Variants in PHACTR4 observed in about 807,000 individuals in gnomAD.
The protein encoded by PHACTR4 is phosphatase and actin regulator 4.
In PHACTR4, 51 loss-of-function variants were observed where a neutral mutation model predicts 72.7. That is an observed-to-expected ratio of 0.70 (90% confidence interval 0.56 to 0.89). The LOEUF is 0.89. PHACTR4 is among the 40% of genes least tolerant of loss of function. The pLI, the probability that PHACTR4 is intolerant of heterozygous loss-of-function variation, is 0.00. For missense variants in PHACTR4, 731 were observed against 861.8 expected (o/e 0.85, Z 1.90); for synonymous variants, 255 against 302.5 (o/e 0.84, Z 1.63).
chr1:28,389,393 GA>G (rs1004476486), intron 1 of PHACTR4, among the ~76,000 whole-genome samples: 91 of 147,674 alleles, frequency 6.2e-4, no homozygotes, highest in African/African-American at 1.6e-3. Flanking sequence ...AAAATTAAAA[GA>G]AAAAAAATAA....
At chr1:28,409,510 GAAA>G (rs1033254003) in intron 2 of PHACTR4, among the ~76,000 whole-genome samples, 7 of 151,642 alleles carry the variant, frequency 4.6e-5, no homozygotes, top group Non-Finnish European at 1.0e-4. Flanking sequence ...TAGCAAAAAA[GAAA>G]AAAAAGAAAT....
intron 2 of PHACTR4, among the ~76,000 whole-genome samples, chr1:28,418,398 C>G (rs1403844049): frequency 6.6e-6 from 1 of 150,448 alleles, no homozygotes; most frequent in African/African-American, 2.4e-5. Flanking sequence ...GGAGAAACAT[C>G]TAAACCTGGG....
At chr1:28,464,044 C>CTTTT (rs74771369) in intron 4 of PHACTR4, among the ~76,000 whole-genome samples, 2 of 131,360 alleles carry the variant, frequency 1.5e-5, no homozygotes, top group African/African-American at 5.9e-5. Flanking sequence ...ATAACCATTT[C>CTTTT]TTTTTTTTTT....
At chr1:28,378,964 T>C (rs184145945) in intron 1 of PHACTR4, among the ~76,000 whole-genome samples, 1 of 152,274 alleles carries the variant, frequency 6.6e-6, no homozygotes, top group East Asian at 1.9e-4. Flanking sequence ...TATGTATTTA[T>C]TTTTTTAAGA....
intron 1 of PHACTR4, among the ~76,000 whole-genome samples, chr1:28,401,149 G>T (rs1452268950): frequency 1.3e-5 from 2 of 152,126 alleles, no homozygotes; most frequent in South Asian, 4.1e-4. Flanking sequence ...TTAGATAAGT[G>T]AGCATTGTTC....
chr1:28,426,704 C>G (rs993728694), intron 2 of PHACTR4, among the ~76,000 whole-genome samples: 1 of 149,404 alleles, frequency 6.7e-6, no homozygotes, highest in South Asian at 2.1e-4. Flanking sequence ...TTGAGATACT[C>G]TGTTATTACT....
chr1:28,419,597 C>T (rs930429526), intron 2 of PHACTR4, among the ~76,000 whole-genome samples: 3 of 151,968 alleles, frequency 2.0e-5, no homozygotes, highest in Admixed American at 1.3e-4. Flanking sequence ...TGAGCAGCCA[C>T]CATGCCTGGC....
chr1:28,428,417 C>T (rs751749848), intron 2 of PHACTR4, among the ~76,000 whole-genome samples: 20 of 152,150 alleles, frequency 1.3e-4, no homozygotes, highest in African/African-American at 2.4e-5. Context: ...CTCCCTATCC[C>T]CTGGGATATC....
At position 28,492,995 on chromosome 1, in the gene PHACTR4, T is replaced by C; in HGVS notation, c.2017-20T>C. 6.3e-7 allele frequency: 1 copy of C among 1,592,730 alleles called. No homozygotes were observed. The highest frequency in any genetic ancestry group is 8.6e-7 in the Non-Finnish European group (1 of 1,161,208). ...AAAGCAGCCAGAAGAAGCTGAAACA[T>C]TTTTGTCTCTACTCCACAGGCTGCC... On this transcript the variant is annotated intron_variant, in intron 12 of 13. Transcript: ENST00000373839.
At chr1:28,409,612 T>G (rs1654619482) in intron 2 of PHACTR4, among the ~76,000 whole-genome samples, 1 of 152,160 alleles carries the variant, frequency 6.6e-6, no homozygotes, top group African/African-American at 2.4e-5. Flanking sequence ...CGGAAAGAAG[T>G]CTGAATCCCT....
intron 1 of PHACTR4, among the ~76,000 whole-genome samples, chr1:28,384,715 C>T (rs1469319152): frequency 1.1e-4 from 17 of 151,582 alleles, no homozygotes; most frequent in East Asian, 1.9e-4. Flanking sequence ...GCCAACATGG[C>T]AAAACCCCAT....
At chr1:28,485,657 T>C (rs1040027007) in intron 9 of PHACTR4, among the ~76,000 whole-genome samples, 2 of 149,626 alleles carry the variant, frequency 1.3e-5, no homozygotes, top group Admixed American at 6.7e-5. Context: ...TCCCAATACT[T>C]TGGGAGGCCG....
Position 28,466,732 on chromosome 1 carries a change from C to A in PHACTR4, c.787C>A (p.Pro263Thr), listed in dbSNP as rs369152598. 2.5e-5 allele frequency: 41 copies of A among 1,613,066 alleles called. No homozygotes were observed. Among genetic ancestry groups the A allele is most frequent in the Non-Finnish European group, 3.3e-5 (39 of 1,179,358 alleles). ...VPAKQPPIPPPKPAHRNSNPV... is the reference protein window; with the variant it reads ...VPAKQPPIPPTKPAHRNSNPV... ...TGCCAAGCAGCCCCCTATCCCTCCC[C>A]CTAAACCAGCTCACAGAAATAGCAA... Residue 263 changes from proline (P) to threonine (T), a missense_variant, in exon 6 of 14, where the codon CCT (proline) becomes ACT (threonine). Pro to Thr is a conservative substitution (Grantham distance 38). Around this residue, in one of 2 missense-constraint regions of PHACTR4, gnomAD observed 621 missense variants for 676.6 expected, o/e 0.92. Transcript: ENST00000373839.
intron 6 of PHACTR4, among the ~76,000 whole-genome samples, chr1:28,471,194 A>G (rs1659537332): frequency 1.3e-5 from 2 of 151,770 alleles, no homozygotes; most frequent in South Asian, 4.2e-4. Context: ...CTAAAAATAC[A>G]AAAAATTAGC....
Position 28,476,353 on chromosome 1 carries a change from C to G in PHACTR4, c.1606+62C>G, listed in dbSNP as rs2124511720. 4.1e-6 allele frequency: 6 copies of G among 1,451,376 alleles called. No homozygotes were observed. In the South Asian group the frequency reaches 8.7e-5, roughly 21 times the overall value. 89.9% of individuals were successfully genotyped at this position (1,451,376 alleles called of 1,614,324 possible). A position where few individuals can be genotyped will look rare whatever the true frequency, so the allele number is the denominator to read the frequency against. ...TTTCCAGATAAAACTATTTGCTGAT[C>G]TTAGCAAGTGTCAAAAGAGATATGG... On this transcript the variant is annotated intron_variant, in intron 8 of 13. Coordinates refer to ENST00000373839, the MANE Select transcript of PHACTR4 (RefSeq NM_001048183.3).
intron 2 of PHACTR4, among the ~76,000 whole-genome samples, chr1:28,435,142 A>G (rs1335832858): frequency 6.6e-6 from 1 of 152,186 alleles, no homozygotes; most frequent in African/African-American, 2.4e-5. Context: ...CCCTGGAGTC[A>G]TACTCTTGAC....
At chr1:28,415,493 G>T (rs1188205958) in intron 2 of PHACTR4, among the ~76,000 whole-genome samples, 1 of 152,142 alleles carries the variant, frequency 6.6e-6, no homozygotes, top group Non-Finnish European at 1.5e-5. Flanking sequence ...GAACAAAAGG[G>T]ACTGAAACCC....
chr1:28,466,861 G>T (rs1659213603), intron 6 of PHACTR4, 93 bp downstream of exon 6: 1 of 1,483,814 alleles, frequency 6.7e-7, no homozygotes. Flanking sequence ...GATTTGGTCT[G>T]TGAGAATTTT....
At chr1:28,402,141 GAAC>G (rs1653989079) in intron 1 of PHACTR4, among the ~76,000 whole-genome samples, 1 of 152,114 alleles carries the variant, frequency 6.6e-6, no homozygotes, top group Admixed American at 6.6e-5. Context: ...ACACCTTGTT[GAAC>G]AACTAGAAAA....
Sources: gnomAD v4.1 joint callset for allele counts (sites outside exome capture counted in the v4.1 genomes callset) on GRCh38, gnomAD v4.1.1 for gene constraint, gnomAD v4.1.1 regional missense constraint, MANE v1.5 for transcripts, NCBI Gene and HGNC (gene_info 2026-07-23, HGNC 2026-07-21) for gene names.